AFG1L: variants seen among roughly 807,000 people sequenced by gnomAD.
AFG1L encodes the protein AFG1-like ATPase.
In AFG1L, 53 loss-of-function variants were observed where a neutral mutation model predicts 62.2. That is an observed-to-expected ratio of 0.85 (90% CI 0.68 to 1.07). AFG1L has a LOEUF of 1.07. Ranked by LOEUF, AFG1L falls within the 50% of genes least tolerant of loss-of-function variation. AFG1L has a pLI of 0.00. For missense variants in AFG1L, 555 were observed against 590.5 expected (o/e 0.94, Z 0.62); for synonymous variants, 228 against 210.3 (o/e 1.08, Z -0.73).
intron 10 of AFG1L, among the ~76,000 whole-genome samples, chr6:108,481,238 G>T (rs190308728): frequency 1.3e-5 from 2 of 152,282 alleles, no homozygotes; most frequent in Non-Finnish European, 2.9e-5. Context: ...CAGAGCTGTG[G>T]CAAAGGAACA....
chr6:108,436,678 G>A (rs1771326368), intron 7 of AFG1L, among the ~76,000 whole-genome samples: 1 of 152,198 alleles, frequency 6.6e-6, no homozygotes. Flanking sequence ...ATCATGGGCT[G>A]TGATGAAACA....
In AFG1L at chr6:108,347,251, T is replaced by G. The variant is rs537550686; in HGVS notation, c.415+212T>G. 2.0e-5 allele frequency among the ~76,000 whole-genome samples: 3 copies of G among 152,290 alleles called. No individual in the cohort carries two copies. In the South Asian group the frequency reaches 6.2e-4, roughly 32 times the overall value. On this transcript the variant is annotated intron_variant, in intron 3 of 12. Coordinates refer to ENST00000368977, the MANE Select transcript of AFG1L (RefSeq NM_145315.5). ...GATACAGCTGTAGTCTAGGGCAGAA[T>G]TAGTCACCATGTTAGGGTGCAAACA...
At chr6:108,352,737 A>G (rs1455676009) in intron 3 of AFG1L, among the ~76,000 whole-genome samples, 5 of 150,908 alleles carry the variant, frequency 3.3e-5, no homozygotes, top group Non-Finnish European at 7.4e-5. Flanking sequence ...ACTAATTTTT[A>G]TATTTTTTTG....
intron 3 of AFG1L, among the ~76,000 whole-genome samples, chr6:108,347,847 C>T (rs958460367): frequency 2.0e-5 from 3 of 151,704 alleles, no homozygotes; most frequent in Admixed American, 2.0e-4. Flanking sequence ...TTTTTCTAAT[C>T]CCTCAGTTTA....
intron 1 of AFG1L, among the ~76,000 whole-genome samples, chr6:108,319,016 A>G (rs1777711378): frequency 2.0e-5 from 3 of 152,110 alleles, no homozygotes; most frequent in Admixed American, 2.0e-4. Flanking sequence ...TTCTCTTTTT[A>G]TCTCTGCTGA....
intron 10 of AFG1L, among the ~76,000 whole-genome samples, chr6:108,483,219 CAG>C (rs774744968): frequency 1.0e-3 from 113 of 109,122 alleles, no homozygotes; most frequent in African/African-American, 1.3e-3. Context: ...TTCAAAAAAA[CAG>C]AAGTATTTTT....
chr6:108,306,333 G>A (rs2114828303), intron 1 of AFG1L, among the ~76,000 whole-genome samples: 1 of 152,080 alleles, frequency 6.6e-6, no homozygotes, highest in South Asian at 2.1e-4. Flanking sequence ...ATTGATTTTT[G>A]GATAGCCTTA....
chr6:108,388,426 A>G (rs1780870317), intron 6 of AFG1L, among the ~76,000 whole-genome samples: 1 of 151,690 alleles, frequency 6.6e-6, no homozygotes, highest in South Asian at 2.1e-4. Context: ...TAGCTTTTGA[A>G]TGTGTTTGCT....
chr6:108,467,585 T>C (rs761924784), intron 8 of AFG1L, among the ~76,000 whole-genome samples: 13 of 152,232 alleles, frequency 8.5e-5, no homozygotes, highest in Non-Finnish European at 1.5e-4. Flanking sequence ...TATTTTGTGT[T>C]AATGGTCTTA....
intron 6 of AFG1L, among the ~76,000 whole-genome samples, chr6:108,376,628 T>G (rs1780259514): frequency 6.6e-6 from 1 of 152,064 alleles, no homozygotes; most frequent in South Asian, 2.1e-4. Context: ...GGTCCAAGAG[T>G]ATGGTTGATA....
intron 7 of AFG1L, among the ~76,000 whole-genome samples, chr6:108,438,335 G>T (rs768928074): frequency 1.8e-4 from 27 of 152,222 alleles, no homozygotes; most frequent in Non-Finnish European, 3.2e-4. Context: ...CTTGCAGGTG[G>T]CCACCTTCTC....
chr6:108,471,785 C>T (rs763850551), intron 8 of AFG1L, among the ~76,000 whole-genome samples: 11 of 152,086 alleles, frequency 7.2e-5, no homozygotes, highest in Non-Finnish European at 1.0e-4. Context: ...GAGGATACTT[C>T]GACAAGAAAT....
intron 10 of AFG1L, among the ~76,000 whole-genome samples, chr6:108,498,536 A>G (rs1376492765): frequency 2.6e-5 from 4 of 152,222 alleles, no homozygotes; most frequent in Non-Finnish European, 5.9e-5. Context: ...TCAAGATCTC[A>G]CACATCAAAA....
In AFG1L at chr6:108,415,526, C is replaced by T. The variant is rs147955395; in HGVS notation, c.807+13472C>T. 4.5e-3 allele frequency among the ~76,000 whole-genome samples: 688 copies of T among 152,290 alleles called. 3 individuals are homozygous for T. Among genetic ancestry groups the T allele is most frequent in the Non-Finnish European group, 7.8e-3 (529 of 68,020 alleles). On this transcript the variant is annotated intron_variant, in intron 7 of 12. Coordinates refer to ENST00000368977, the MANE Select transcript of AFG1L (RefSeq NM_145315.5). ...CGCTACCTGACTTCAAACTATACTA[C>T]AAGGCTACAGTAACCAAAACAGCAT...
At chr6:108,331,582 CA>C (rs904321500) in intron 2 of AFG1L, among the ~76,000 whole-genome samples, 1 of 152,114 alleles carries the variant, frequency 6.6e-6, no homozygotes, top group Non-Finnish European at 1.5e-5. Context: ...GAAGAATGAA[CA>C]TTTATAAACA....
chr6:108,334,549 A>G (rs950379672), intron 2 of AFG1L, among the ~76,000 whole-genome samples: 1 of 110,462 alleles, frequency 9.1e-6, no homozygotes. Flanking sequence ...TTAAAAAATT[A>G]AAAAAAAAAC....
chr6:108,379,519 G>T (rs1780405956), intron 6 of AFG1L, among the ~76,000 whole-genome samples: 1 of 152,192 alleles, frequency 6.6e-6, no homozygotes, highest in Non-Finnish European at 1.5e-5. Context: ...TTCAGCTCTG[G>T]TGGTGACAGG....
At chr6:108,491,352 T>C (rs1280210292) in intron 10 of AFG1L, among the ~76,000 whole-genome samples, 1 of 152,200 alleles carries the variant, frequency 6.6e-6, no homozygotes, top group Non-Finnish European at 1.5e-5. Context: ...CTGGCACTTG[T>C]ACCTTTCATA....
Position 108,356,840 on chromosome 6 carries a change from T to C in AFG1L, c.648+20T>C. 2 of 1,597,748 alleles carry C rather than the reference T, an allele frequency of 1.3e-6. No individual in the cohort carries two copies. The highest frequency in any genetic ancestry group is 1.7e-6 in the Non-Finnish European group (2 of 1,170,546). On this transcript the variant is annotated intron_variant, in intron 5 of 12. Coordinates refer to ENST00000368977, the MANE Select transcript of AFG1L (RefSeq NM_145315.5). ...TTTCAGGTAAAGTAGAGATTTTTCA[T>C]AGATATAGAATGGTATATTGAATGA...
Sources: allele counts gnomAD v4.1 joint callset (sites outside exome capture counted in the v4.1 genomes callset), GRCh38; gene constraint gnomAD v4.1.1; transcripts MANE v1.5; gene names NCBI Gene and HGNC (gene_info 2026-07-23, HGNC 2026-07-21).